PXDC1: variants seen among roughly 807,000 people sequenced by gnomAD.
PXDC1 encodes PX domain-containing protein 1.
Under a neutral mutation model 24.4 loss-of-function variants are expected in PXDC1, and 13 were observed. The ratio of observed to expected loss-of-function variants is 0.53; its 90% confidence interval spans 0.35 to 0.85. PXDC1 has a LOEUF of 0.85. PXDC1 is among the 40% of genes least tolerant of loss of function. The pLI is 0.01. For missense variants in PXDC1, 344 were observed against 309.3 expected (o/e 1.11, Z -0.84); for synonymous variants, 162 against 124.9 (o/e 1.30, Z -1.98).
chr6:3,729,165 C>T (rs897509698), intron 3 of PXDC1, among the ~76,000 whole-genome samples: 1 of 152,096 alleles, frequency 6.6e-6, no homozygotes, highest in Non-Finnish European at 1.5e-5. Flanking sequence ...TTACACCTTA[C>T]CACAATTTAG....
intron 3 of PXDC1, 118 bp downstream of exon 3, chr6:3,736,961 C>T (rs1275801377): frequency 8.3e-6 from 6 of 723,362 alleles, no homozygotes; most frequent in African/African-American, 3.5e-5. Flanking sequence ...GCATTTCTCT[C>T]GATTGTCTTT....
Position 3,739,054 on chromosome 6 carries a change from C to T in PXDC1, c.257-906G>A. On this transcript the variant is annotated intron_variant, in intron 1 of 4. Coordinates refer to ENST00000380283, the MANE Select transcript of PXDC1 (RefSeq NM_183373.4). ...GTGATTACTGCGATTACTTTTGCAC[C>T]AACCTAGTATTATTGGTCACGGAGA... 4.2e-6 allele frequency: 5 copies of T among 1,200,026 alleles called. No individual in the cohort carries two copies. The South Asian group carries it at 6.0e-5, about 14-fold the overall frequency. 74.3% of individuals were successfully genotyped at this position (1,200,026 alleles called of 1,614,324 possible). A position where few individuals can be genotyped will look rare whatever the true frequency, so the allele number is the denominator to read the frequency against.
At chr6:3,743,284 C>A (rs1172331859) in intron 1 of PXDC1, among the ~76,000 whole-genome samples, 1 of 152,212 alleles carries the variant, frequency 6.6e-6, no homozygotes, top group East Asian at 1.9e-4. Context: ...CCTCTCTGAG[C>A]ACTCAGAGGA....
At chr6:3,744,496 T>C (rs1760521181) in intron 1 of PXDC1, among the ~76,000 whole-genome samples, 1 of 151,584 alleles carries the variant, frequency 6.6e-6, no homozygotes, top group African/African-American at 2.4e-5. Context: ...GGTGAGCGGA[T>C]ATAAGGGTGA....
At position 3,740,196 on chromosome 6, in the gene PXDC1, A is replaced by G. The variant is rs577001100; in HGVS notation, c.257-2048T>C. The stretch of plus-strand genomic sequence containing the variant: ...TTTACAGGTATTATAGAGGTTTATA[A>G]TGCTTTTATCTTTGCTTTGCTGACA... On this transcript the variant is annotated intron_variant, in intron 1 of 4. Transcript: ENST00000380283. 2.6e-5 allele frequency among the ~76,000 whole-genome samples: 4 copies of G among 152,352 alleles called. No individual in the cohort carries two copies. In the East Asian group the frequency reaches 7.7e-4, roughly 29 times the overall value.
intron 1 of PXDC1, 72 bp downstream of exon 1, chr6:3,751,204 T>A: frequency 8.4e-7 from 1 of 1,197,192 alleles, no homozygotes; most frequent in South Asian, 1.7e-5. Flanking sequence ...GGTTGAAGTC[T>A]CTTCCCCGCC....
chr6:3,725,590 TCA>T lies in PXDC1; in HGVS notation c.579-1856_579-1855del, dbSNP rs1760045659. Among the ~76,000 whole-genome samples, 1 of 151,540 alleles carries T rather than the reference TCA, an allele frequency of 6.6e-6. No homozygotes were observed. The highest frequency in any genetic ancestry group is 2.4e-5 in the African/African-American group (1 of 40,858). On this transcript the variant is annotated intron_variant, in intron 4 of 4. Transcript: ENST00000380283. The surrounding 1 kb of genome is among the most constrained non-coding windows in gnomAD (Gnocchi z 4.8). Reference sequence around the variant, plus strand: ...TGCTGTGGGCCCGGCGGCACTGGGCTCACAGGCTCGGGCCAGACAATCAGCCT... The same window carrying T: ...TGCTGTGGGCCCGGCGGCACTGGGCTCAGGCTCGGGCCAGACAATCAGCCT...
rs1032468057 is a variant in PXDC1 at position 3,724,822 on chromosome 6, CT to C, written c.579-1087del. On this transcript the variant is annotated intron_variant, in intron 4 of 4. Transcript: ENST00000380283. This position sits in a 1 kb window ranked among gnomAD's most constrained non-coding sequence, Gnocchi z 4.5. The stretch of plus-strand genomic sequence containing the variant: ...GGGCGAGCATATGTCCCCCACAAAC[CT>C]AGTACATCGTGCGAATCCCGCTGAC... Among the ~76,000 whole-genome samples, 1 of 152,244 alleles carries C rather than the reference CT, an allele frequency of 6.6e-6. No individual in the cohort carries two copies. The highest frequency in any genetic ancestry group is 1.5e-5 in the Non-Finnish European group (1 of 68,048).
At chr6:3,730,199 C>T (rs1363076115) in intron 3 of PXDC1, among the ~76,000 whole-genome samples, 5 of 152,174 alleles carry the variant, frequency 3.3e-5, no homozygotes, top group African/African-American at 4.8e-5. Flanking sequence ...CCCTGAGAAG[C>T]TCCGGTTCCC....
At position 3,738,191 on chromosome 6, in the gene PXDC1, A is replaced by G. The variant is rs771123776; in HGVS notation, c.257-43T>C. 4.1e-6 allele frequency: 6 copies of G among 1,471,794 alleles called. No homozygotes were observed. The East Asian group carries it at 1.1e-4, about 28-fold the overall frequency. The allele number at this position is 1,471,794 out of a possible 1,614,324, so 91.2% of individuals were successfully genotyped here. A position where few individuals can be genotyped will look rare whatever the true frequency, so the allele number is the denominator to read the frequency against. On this transcript the variant is annotated intron_variant, in intron 1 of 4. Transcript: ENST00000380283. ...ATGCTCAAAGTCAGAATAGCACACC[A>G]GGAAACGCGCTCCCAATGCAATACA...
chr6:3,727,536 A>T lies in PXDC1; in HGVS notation c.578+15T>A. 1 of 1,537,992 alleles carries T rather than the reference A, an allele frequency of 6.5e-7. No individual in the cohort carries two copies. Among genetic ancestry groups the T allele is most frequent in the Non-Finnish European group, 9.0e-7 (1 of 1,110,840 alleles). On this transcript the variant is annotated intron_variant, in intron 4 of 4. Transcript: ENST00000380283. ...AGGACAGTCTATGAAACGATATTCAAATCAGCATACTTACAAATGCTCTGT... is the reference window on the plus strand; with the variant it reads ...AGGACAGTCTATGAAACGATATTCATATCAGCATACTTACAAATGCTCTGT...
In PXDC1 at chr6:3,723,505, GACGTC is replaced by G; in HGVS notation, c.*109_*113del. On this transcript the variant is annotated 3_prime_UTR_variant, in exon 5 of 5. Coordinates refer to ENST00000380283, the MANE Select transcript of PXDC1 (RefSeq NM_183373.4). Reference sequence around the variant, plus strand: ...GCCTCCTGGCGTCAGTGGGGCCTGGGACGTCTGGGAGTTCCAGAGCTGGGGCAGCA... The same window carrying G: ...GCCTCCTGGCGTCAGTGGGGCCTGGGTGGGAGTTCCAGAGCTGGGGCAGCA... The G allele has an allele frequency of 1.2e-6, 1 of 820,028 alleles. No homozygotes were observed. Among genetic ancestry groups the G allele is most frequent in the Non-Finnish European group, 2.1e-6 (1 of 483,846 alleles). 50.8% of individuals were successfully genotyped at this position (820,028 alleles called of 1,614,324 possible). A position where few individuals can be genotyped will look rare whatever the true frequency, so the allele number is the denominator to read the frequency against.
chr6:3,733,564 A>G (rs1306713507), intron 3 of PXDC1, among the ~76,000 whole-genome samples: 4 of 151,948 alleles, frequency 2.6e-5, no homozygotes, highest in Non-Finnish European at 5.9e-5. Context: ...GAGAAAGAAA[A>G]CCAGACTCGG....
At chr6:3,736,736 C>T (rs568233685) in intron 3 of PXDC1, among the ~76,000 whole-genome samples, 14 of 152,354 alleles carry the variant, frequency 9.2e-5, no homozygotes, top group Admixed American at 3.9e-4. Flanking sequence ...TTCAATGCCA[C>T]GTGACATGGG....
At chr6:3,732,963 C>T (rs1002160024) in intron 3 of PXDC1, among the ~76,000 whole-genome samples, 2 of 152,162 alleles carry the variant, frequency 1.3e-5, no homozygotes, top group Non-Finnish European at 2.9e-5. Context: ...CAGGTTTGCA[C>T]GAAGGACCCT....
chr6:3,748,253 G>A (rs775706155), intron 1 of PXDC1, among the ~76,000 whole-genome samples: 2 of 152,142 alleles, frequency 1.3e-5, no homozygotes, highest in East Asian at 1.9e-4. Context: ...GTAACCCGGC[G>A]ACAATATCCC....
chr6:3,731,063 G>C (rs565660928), intron 3 of PXDC1, among the ~76,000 whole-genome samples: 1 of 152,328 alleles, frequency 6.6e-6, no homozygotes, highest in South Asian at 2.1e-4. Context: ...AGTCCTGAGT[G>C]ATCTATCATG....
intron 1 of PXDC1, among the ~76,000 whole-genome samples, chr6:3,749,997 T>C (rs1760663535): frequency 6.6e-6 from 1 of 152,218 alleles, no homozygotes; most frequent in African/African-American, 2.4e-5. Flanking sequence ...ATGCTTGAAA[T>C]AACACCCAAC....
chr6:3,731,356 A>G (rs1281595565), intron 3 of PXDC1, among the ~76,000 whole-genome samples: 1 of 152,226 alleles, frequency 6.6e-6, no homozygotes, highest in Non-Finnish European at 1.5e-5. Context: ...GTCATTCAAG[A>G]AAAATTATAG....
Sources: allele counts gnomAD v4.1 joint callset (sites outside exome capture counted in the v4.1 genomes callset), GRCh38; gene constraint gnomAD v4.1.1; non-coding constraint Gnocchi (gnomAD v3.1); transcripts MANE v1.5; gene names NCBI Gene and HGNC (gene_info 2026-07-23, HGNC 2026-07-21).